MAD1L1: variants seen among roughly 807,000 people sequenced by gnomAD.
MAD1L1 encodes mitotic spindle assembly checkpoint protein MAD1.
In MAD1L1, 95 loss-of-function variants were observed where a neutral mutation model predicts 96.9. The observed-to-expected ratio is 0.98, with a 90% CI of 0.83 to 1.16. The LOEUF (loss-of-function observed/expected upper bound fraction) is 1.16, where lower values mean the gene tolerates loss of function less well. MAD1L1 is among the 50% of genes most tolerant of loss of function. The probability of loss-of-function intolerance (pLI) is 0.00; values close to 1 mark genes in which losing one functional copy is unlikely to be tolerated. For synonymous variants in MAD1L1, 473 were observed against 396.6 expected (o/e 1.19, Z -2.29); for missense variants, 1,007 against 954.4 (o/e 1.06, Z -0.73).
intron 17 of MAD1L1, among the ~76,000 whole-genome samples, chr7:1,925,164 C>G (rs528088306): frequency 1.3e-5 from 2 of 152,216 alleles, no homozygotes; most frequent in Admixed American, 6.5e-5. Flanking sequence ...ACACACATAC[C>G]TATCAGGTGC....
intron 14 of MAD1L1, among the ~76,000 whole-genome samples, chr7:1,992,163 A>T (rs1018943449): frequency 6.7e-6 from 1 of 150,356 alleles, no homozygotes; most frequent in African/African-American, 2.4e-5. Context: ...CCAGAGCGCC[A>T]CTGCTGGCCT....
At chr7:2,004,289 G>A (rs1781932262) in intron 13 of MAD1L1, among the ~76,000 whole-genome samples, 2 of 152,162 alleles carry the variant, frequency 1.3e-5, no homozygotes, top group Admixed American at 6.5e-5. Context: ...CCTGGGCAGC[G>A]AGATGCACCC....
intron 16 of MAD1L1, among the ~76,000 whole-genome samples, chr7:1,950,969 C>T (rs563119440): frequency 2.6e-5 from 4 of 152,254 alleles, no homozygotes; most frequent in Non-Finnish European, 4.4e-5. Flanking sequence ...ACCCTGGGCA[C>T]GAAGCCCATG....
intron 14 of MAD1L1, among the ~76,000 whole-genome samples, chr7:1,983,038 G>A (rs1159518202): frequency 2.0e-5 from 3 of 152,102 alleles, no homozygotes; most frequent in Admixed American, 2.0e-4. Flanking sequence ...ACCTGCTGTT[G>A]AATTTCACTC....
At position 1,823,855 on chromosome 7, in the gene MAD1L1, C is replaced by T. The variant is rs541129975; in HGVS notation, c.1999-7627G>A. Among the ~76,000 whole-genome samples the T allele has an allele frequency of 2.6e-5, 4 of 152,264 alleles. No individual in the cohort carries two copies. In the South Asian group the frequency reaches 8.3e-4, roughly 32 times the overall value. On this transcript the variant is annotated intron_variant, in intron 18 of 18. Transcript: ENST00000265854. ...TGCTTGGATCTGCAAGCGCCACGCA[C>T]CTAACTGGACACAGCTCCAGGCGCC...
chr7:1,988,546 C>T (rs1488730514), intron 14 of MAD1L1, among the ~76,000 whole-genome samples: 1 of 152,160 alleles, frequency 6.6e-6, no homozygotes, highest in Non-Finnish European at 1.5e-5. Context: ...CCTAAAACTT[C>T]GTTTTCTGTG....
intron 10 of MAD1L1, among the ~76,000 whole-genome samples, chr7:2,193,097 G>A (rs1189466718): frequency 2.0e-5 from 3 of 152,198 alleles, no homozygotes; most frequent in Admixed American, 6.5e-5. Context: ...CTCAGCACTC[G>A]TGGAGGAGGG....
At chr7:1,825,849 G>T (rs867837610) in intron 18 of MAD1L1, among the ~76,000 whole-genome samples, 8 of 152,104 alleles carry the variant, frequency 5.3e-5, no homozygotes, top group African/African-American at 1.9e-4. Flanking sequence ...CCAGCCCCGG[G>T]GTTGGAGGTC....
At chr7:1,928,429 C>T (rs1194388777) in intron 17 of MAD1L1, among the ~76,000 whole-genome samples, 1 of 150,580 alleles carries the variant, frequency 6.6e-6, no homozygotes, top group Non-Finnish European at 1.5e-5. Flanking sequence ...CTTGACACTG[C>T]TCCCCACGAC....
intron 16 of MAD1L1, 56 bp from the exon 17 acceptor site, chr7:1,936,953 G>A: frequency 3.6e-6 from 5 of 1,389,300 alleles, no homozygotes; most frequent in South Asian, 1.3e-5. Context: ...CGCAGCACGG[G>A]TCACACACAG....
At chr7:2,084,305 C>T (rs946347730) in intron 11 of MAD1L1, among the ~76,000 whole-genome samples, 1 of 152,144 alleles carries the variant, frequency 6.6e-6, no homozygotes, top group Non-Finnish European at 1.5e-5. Flanking sequence ...CAGGTGTGGC[C>T]GGACCCGCCA....
At position 1,886,604 on chromosome 7, in the gene MAD1L1, C is replaced by T. The variant is rs371598632; in HGVS notation, c.1998+11596G>A. 3.3e-5 allele frequency among the ~76,000 whole-genome samples: 5 copies of T among 152,324 alleles called. No homozygotes were observed. The East Asian group carries it at 5.8e-4, about 18-fold the overall frequency. ...CTGTGTCTGCAAACAGGCGTGTGGGCGTGTGCAGGTTCTCTGCTCTCAACA... is the reference window on the plus strand; with the variant it reads ...CTGTGTCTGCAAACAGGCGTGTGGGTGTGTGCAGGTTCTCTGCTCTCAACA... On this transcript the variant is annotated intron_variant, in intron 18 of 18. Coordinates refer to ENST00000265854, the MANE Select transcript of MAD1L1 (RefSeq NM_001013836.2).
At chr7:2,053,035 G>C (rs1784250595) in intron 12 of MAD1L1, among the ~76,000 whole-genome samples, 2 of 152,200 alleles carry the variant, frequency 1.3e-5, no homozygotes, top group Non-Finnish European at 2.9e-5. Context: ...GCATCTGAAG[G>C]CCGAGCCGTC....
chr7:2,098,617 C>T (rs1287148782), intron 11 of MAD1L1, among the ~76,000 whole-genome samples: 2 of 152,210 alleles, frequency 1.3e-5, no homozygotes, highest in African/African-American at 4.8e-5. Context: ...GAGCACAGCA[C>T]GGCAGACACG....
rs533189875 is a variant in MAD1L1 at position 2,121,302 on chromosome 7, G to A, written c.1073+27850C>T. Among the ~76,000 whole-genome samples, 14 of 152,348 alleles carry A rather than the reference G, an allele frequency of 9.2e-5. No homozygotes were observed. In the South Asian group the frequency reaches 1.7e-3, roughly 18 times the overall value. The stretch of plus-strand genomic sequence containing the variant: ...CCGCCTCTCCCAACCTCTGTTCAGC[G>A]TCAGAGCGAGGCTCTGCACCAGGCC... On this transcript the variant is annotated intron_variant, in intron 11 of 18. Transcript: ENST00000265854.
chr7:2,196,719 C>T (rs993581643), intron 10 of MAD1L1, among the ~76,000 whole-genome samples: 1 of 152,256 alleles, frequency 6.6e-6, no homozygotes, highest in African/African-American at 2.4e-5. Flanking sequence ...AACAGAAAAA[C>T]AGGGAGAGTC....
At chr7:1,996,560 C>T (rs1278833984) in intron 14 of MAD1L1, among the ~76,000 whole-genome samples, 3 of 152,206 alleles carry the variant, frequency 2.0e-5, no homozygotes, top group Admixed American at 6.5e-5. Flanking sequence ...AAGCACCTGC[C>T]GCTAGGCCCG....
At chr7:2,211,564 C>T (rs1792950561) in intron 10 of MAD1L1, among the ~76,000 whole-genome samples, 1 of 152,200 alleles carries the variant, frequency 6.6e-6, no homozygotes, top group Non-Finnish European at 1.5e-5. Flanking sequence ...TCTCATCTGG[C>T]CAGAGTATGC....
At chr7:1,903,961 T>C (rs1325971693) in intron 17 of MAD1L1, among the ~76,000 whole-genome samples, 1 of 122,236 alleles carries the variant, frequency 8.2e-6, no homozygotes. Flanking sequence ...AAGACACTCT[T>C]GCGGAACTCA....
Sources: allele counts gnomAD v4.1 joint callset (sites outside exome capture counted in the v4.1 genomes callset), GRCh38; gene constraint gnomAD v4.1.1; transcripts MANE v1.5; gene names NCBI Gene and HGNC (gene_info 2026-07-23, HGNC 2026-07-21).